Variants in DYM observed in about 807,000 individuals in gnomAD.
DYM encodes the protein dymeclin.
Under a neutral mutation model 93.1 loss-of-function variants are expected in DYM, and 78 were observed. The ratio of observed to expected loss-of-function variants is 0.84; its 90% CI spans 0.70 to 1.01. The LOEUF is 1.01. Among genes scored for constraint, DYM ranks in the 50% least tolerant of loss-of-function variants. The pLI is 0.00. For synonymous variants in DYM, 321 were observed against 319.7 expected (o/e 1.00, Z -0.04); for missense variants, 789 against 845.0 (o/e 0.93, Z 0.82).
At chr18:49,339,531 G>C (rs1411798188) in intron 6 of DYM, among the ~76,000 whole-genome samples, 1 of 152,100 alleles carries the variant, frequency 6.6e-6, no homozygotes, top group East Asian at 1.9e-4. Flanking sequence ...AAAGAACTAA[G>C]GGAGGCCTCC....
intron 3 of DYM, among the ~76,000 whole-genome samples, chr18:49,380,245 T>C (rs913155826): frequency 1.3e-5 from 2 of 152,204 alleles, no homozygotes; most frequent in East Asian, 1.9e-4. Context: ...GGGGAGCTAT[T>C]TGACCAGACA....
At chr18:49,438,787 T>A (rs1038629140) in intron 1 of DYM, among the ~76,000 whole-genome samples, 1 of 152,130 alleles carries the variant, frequency 6.6e-6, no homozygotes, top group Non-Finnish European at 1.5e-5. Flanking sequence ...GCCAGAAAGA[T>A]CCACCTGCTC....
chr18:49,204,347 A>T (rs1324256291), intron 14 of DYM, among the ~76,000 whole-genome samples: 1 of 152,250 alleles, frequency 6.6e-6, no homozygotes, highest in Non-Finnish European at 1.5e-5. Flanking sequence ...CCGAGTTAAT[A>T]GTAACTCAAA....
intron 15 of DYM, among the ~76,000 whole-genome samples, chr18:49,129,079 G>C (rs1206117216): frequency 1.3e-5 from 2 of 151,212 alleles, no homozygotes; most frequent in African/African-American, 4.9e-5. Context: ...GCCAAAAAAG[G>C]CAGTAAAGGG....
chr18:49,125,966 C>A (rs1379301635), intron 15 of DYM, among the ~76,000 whole-genome samples: 1 of 152,180 alleles, frequency 6.6e-6, no homozygotes, highest in Non-Finnish European at 1.5e-5. Flanking sequence ...TGGCTTAAAG[C>A]CTTCTCATCA....
chr18:49,450,909 C>T (rs938792782), intron 1 of DYM, among the ~76,000 whole-genome samples: 2 of 152,152 alleles, frequency 1.3e-5, no homozygotes, highest in Non-Finnish European at 2.9e-5. Flanking sequence ...ATATTAAGGA[C>T]TTTCAACAGG....
intron 2 of DYM, among the ~76,000 whole-genome samples, chr18:49,427,828 A>T (rs2074429990): frequency 6.6e-6 from 1 of 152,212 alleles, no homozygotes; most frequent in Non-Finnish European, 1.5e-5. Flanking sequence ...CATGCTTATA[A>T]ATCCCAACAG....
rs2093264814 is a variant in DYM at position 49,219,771 on chromosome 18, C to A, written c.1461-10056G>T. On this transcript the variant is annotated intron_variant, in intron 13 of 17. Transcript: ENST00000675505. ...GGGACGTATCTCAAAATAATAAGAGCTATCTATGACAAACCCACAGCCAAT... is the reference window on the plus strand; with the variant it reads ...GGGACGTATCTCAAAATAATAAGAGATATCTATGACAAACCCACAGCCAAT... Among the ~76,000 whole-genome samples, 3 of 151,870 alleles carry A rather than the reference C, an allele frequency of 2.0e-5. 1 individual carries two copies. The South Asian group carries it at 6.3e-4, about 32-fold the overall frequency.
At chr18:49,131,255 C>A (rs374644712) in intron 15 of DYM, among the ~76,000 whole-genome samples, 1 of 152,170 alleles carries the variant, frequency 6.6e-6, no homozygotes, top group Non-Finnish European at 1.5e-5. Flanking sequence ...CTTGCAGATG[C>A]CACCTTCTCC....
At chr18:49,076,849 T>C (rs543850614) in intron 17 of DYM, among the ~76,000 whole-genome samples, 52 of 152,324 alleles carry the variant, frequency 3.4e-4, no homozygotes, top group African/African-American at 1.2e-3. Flanking sequence ...CGAGAAGGAA[T>C]GTGGAGAAAG....
chr18:49,291,480 T>TG (rs1420930821), intron 8 of DYM, among the ~76,000 whole-genome samples: 1 of 152,140 alleles, frequency 6.6e-6, no homozygotes, highest in Non-Finnish European at 1.5e-5. Context: ...GGAGCTGTTA[T>TG]GGGGGAAGGG....
intron 13 of DYM, among the ~76,000 whole-genome samples, chr18:49,237,937 C>T (rs971850805): frequency 1.3e-5 from 2 of 149,486 alleles, no homozygotes; most frequent in African/African-American, 4.9e-5. Flanking sequence ...ACTACTAGAT[C>T]AATGTACCAT....
intron 3 of DYM, among the ~76,000 whole-genome samples, chr18:49,389,658 G>A (rs1360092009): frequency 1.3e-5 from 2 of 151,884 alleles, no homozygotes; most frequent in Non-Finnish European, 2.9e-5. Context: ...CACCATGCCT[G>A]GTTAAGTTTT....
intron 14 of DYM, among the ~76,000 whole-genome samples, chr18:49,169,599 G>A (rs2088388433): frequency 6.6e-6 from 1 of 152,198 alleles, no homozygotes; most frequent in African/African-American, 2.4e-5. Flanking sequence ...TGAGGTGTGA[G>A]GTGGGAGGCA....
intron 10 of DYM, among the ~76,000 whole-genome samples, chr18:49,275,354 C>T (rs1423262711): frequency 2.0e-5 from 3 of 152,172 alleles, no homozygotes; most frequent in Non-Finnish European, 4.4e-5. Flanking sequence ...CAGTACCACA[C>T]TGTATTGATT....
At chr18:49,168,740 C>G (rs1225265186) in intron 14 of DYM, among the ~76,000 whole-genome samples, 1 of 152,094 alleles carries the variant, frequency 6.6e-6, no homozygotes, top group East Asian at 1.9e-4. Flanking sequence ...TCAGAGAATT[C>G]CATGGGTCTG....
chr18:49,391,481 T>C, intron 3 of DYM, 112 bp downstream of exon 3: 1 of 1,109,816 alleles, frequency 9.0e-7, no homozygotes, highest in Non-Finnish European at 1.4e-6. Context: ...AAAAAATTAT[T>C]ACTATTGCTA....
rs1458549281 is a variant in DYM, at chr18:49,385,814, GGA to G, written c.193+5777_193+5778del. Among the ~76,000 whole-genome samples, 4 of 152,056 alleles carry G rather than the reference GGA, an allele frequency of 2.6e-5. No individual in the cohort carries two copies. The East Asian group carries it at 7.7e-4, about 29-fold the overall frequency. Reference sequence around the variant, plus strand: ...GCCAGTGCTTTGGGAGGCTGAGGTGGGAGGCATGCTTGGGGTCAGGAGTTCAA... The same window carrying G: ...GCCAGTGCTTTGGGAGGCTGAGGTGGGGCATGCTTGGGGTCAGGAGTTCAA... On this transcript the variant is annotated intron_variant, in intron 3 of 17. Transcript: ENST00000675505.
At chr18:49,336,220 A>G (rs1472454220) in intron 6 of DYM, among the ~76,000 whole-genome samples, 1 of 152,228 alleles carries the variant, frequency 6.6e-6, no homozygotes. Flanking sequence ...GTTTTACTAA[A>G]TTGTTTTAGT....
Sources: allele counts gnomAD v4.1 joint callset (sites outside exome capture counted in the v4.1 genomes callset), GRCh38; gene constraint gnomAD v4.1.1; transcripts MANE v1.5; gene names NCBI Gene and HGNC (gene_info 2026-07-23, HGNC 2026-07-21).